Variants in XKR4 observed in about 807,000 individuals in gnomAD.
XKR4 encodes the protein XK-related protein 4.
In XKR4, 12 loss-of-function variants were observed where a neutral mutation model predicts 53.9. The ratio of observed to expected loss-of-function variants is 0.22; its 90% CI spans 0.14 to 0.36. The LOEUF (loss-of-function observed/expected upper bound fraction) is 0.36. Ranked by LOEUF, XKR4 falls within the 10% of genes least tolerant of loss-of-function variation. The pLI, the probability that XKR4 is intolerant of heterozygous loss-of-function variation, is 1.00. For missense variants in XKR4, 799 were observed against 859.5 expected, an observed-to-expected ratio of 0.93 and a Z score of 0.88; for synonymous variants, 354 against 362.4, an observed-to-expected ratio of 0.98 and a Z score of 0.26.
chr8:55,393,886 G>A lies in XKR4; in HGVS notation c.1006+36009G>A, dbSNP rs76743807. Among the ~76,000 whole-genome samples the A allele has an allele frequency of 1.1e-3, 173 of 152,198 alleles. 1 individual carries two copies. In the East Asian group the frequency reaches 0.014, roughly 13 times the overall value. ...GAATTTTCTCTTCTTTCAAAAAGTC[G>A]AGATTGTGCCCATGAGCCTGTCTGA... On this transcript the variant is annotated intron_variant, in intron 2 of 2. Coordinates refer to ENST00000327381, the MANE Select transcript of XKR4 (RefSeq NM_052898.2).
intron 1 of XKR4, among the ~76,000 whole-genome samples, chr8:55,178,160 C>T (rs1585921922): frequency 2.6e-5 from 4 of 152,180 alleles, no homozygotes. Flanking sequence ...GCATTAGAAG[C>T]CTTCTAGGAA....
chr8:55,283,880 C>T (rs905954493), intron 1 of XKR4, among the ~76,000 whole-genome samples: 4 of 152,222 alleles, frequency 2.6e-5, no homozygotes, highest in South Asian at 2.1e-4. Context: ...CAAGAAAGAG[C>T]AAGTGGACAA....
chr8:55,257,746 A>G (rs7002941), intron 1 of XKR4, among the ~76,000 whole-genome samples: 119,478 of 152,172 alleles, frequency 0.79, 49,177 homozygotes, highest in Non-Finnish European at 0.92. Context: ...GTGGCTTTTC[A>G]CTCTCAAATA....
intron 1 of XKR4, among the ~76,000 whole-genome samples, chr8:55,204,211 G>A (rs2129362645): frequency 6.6e-6 from 1 of 152,058 alleles, no homozygotes; most frequent in East Asian, 1.9e-4. Flanking sequence ...TCGCAACGTT[G>A]CCCAGGCTGG....
chr8:55,161,567 G>C (rs769822548), intron 1 of XKR4: 3 of 456,144 alleles, frequency 6.6e-6, no homozygotes, highest in Non-Finnish European at 1.3e-5. Context: ...CTGTCTGTCC[G>C]GTCCTAGACA....
chr8:55,247,090 T>TC (rs1271668962), intron 1 of XKR4, among the ~76,000 whole-genome samples: 1 of 152,208 alleles, frequency 6.6e-6, no homozygotes, highest in African/African-American at 2.4e-5. Flanking sequence ...TGTTTCTTTT[T>TC]CTTCTTCTTC....
chr8:55,502,083 A>C (rs577817374), intron 2 of XKR4, among the ~76,000 whole-genome samples: 1 of 152,336 alleles, frequency 6.6e-6, no homozygotes, highest in African/African-American at 2.4e-5. Context: ...AAGTCTGTAC[A>C]TTTTGAGTAC....
At chr8:55,304,656 A>G (rs1200633361) in intron 1 of XKR4, among the ~76,000 whole-genome samples, 1 of 152,084 alleles carries the variant, frequency 6.6e-6, no homozygotes, top group African/African-American at 2.4e-5. Flanking sequence ...GTCACTAAGG[A>G]CTTGCTTTAT....
At chr8:55,491,634 G>C (rs1806273748) in intron 2 of XKR4, among the ~76,000 whole-genome samples, 4 of 151,314 alleles carry the variant, frequency 2.6e-5, no homozygotes, top group Admixed American at 2.0e-4. Flanking sequence ...GGGTTTGTTT[G>C]TTTGTTTGTT....
intron 1 of XKR4, among the ~76,000 whole-genome samples, chr8:55,219,114 T>A (rs1817846403): frequency 1.3e-5 from 2 of 152,160 alleles, no homozygotes; most frequent in Admixed American, 6.5e-5. Flanking sequence ...TGGGTTTCTG[T>A]GAGCCATTCT....
At chr8:55,518,641 T>C (rs988221265) in intron 2 of XKR4, among the ~76,000 whole-genome samples, 4 of 152,188 alleles carry the variant, frequency 2.6e-5, no homozygotes, top group East Asian at 1.9e-4. Flanking sequence ...TATTTCATCG[T>C]AGGCCCGTGG....
At chr8:55,139,066 A>AT (rs1397769960) in intron 1 of XKR4, among the ~76,000 whole-genome samples, 1 of 152,072 alleles carries the variant, frequency 6.6e-6, no homozygotes, top group Non-Finnish European at 1.5e-5. Context: ...ACCTGTGTAT[A>AT]TTTTTTTCAT....
At chr8:55,354,010 A>G (rs1803763505) in intron 1 of XKR4, among the ~76,000 whole-genome samples, 1 of 152,220 alleles carries the variant, frequency 6.6e-6, no homozygotes, top group African/African-American at 2.4e-5. Context: ...TAGTCTACCA[A>G]AATTATCGAA....
intron 1 of XKR4, among the ~76,000 whole-genome samples, chr8:55,135,839 T>A (rs557235605): frequency 6.6e-6 from 1 of 152,054 alleles, no homozygotes; most frequent in African/African-American, 2.4e-5. Flanking sequence ...GAAGAAAACA[T>A]TGGATATAAA....
chr8:55,451,182 TG>T, intron 2 of XKR4: 1 of 552,146 alleles, frequency 1.8e-6, no homozygotes, highest in Non-Finnish European at 3.2e-6. Flanking sequence ...CCCGTTGGCC[TG>T]GGGTGGGGCC....
At chr8:55,221,537 C>T (rs1354783489) in intron 1 of XKR4, among the ~76,000 whole-genome samples, 1 of 152,146 alleles carries the variant, frequency 6.6e-6, no homozygotes, top group African/African-American at 2.4e-5. Flanking sequence ...GTGATCATCA[C>T]CTTAGGGCTC....
intron 1 of XKR4, among the ~76,000 whole-genome samples, chr8:55,131,309 A>G (rs1459170907): frequency 6.6e-6 from 1 of 152,220 alleles, no homozygotes; most frequent in African/African-American, 2.4e-5. Flanking sequence ...GAGATCCTCA[A>G]AGAAAACAGG....
intron 2 of XKR4, among the ~76,000 whole-genome samples, chr8:55,421,515 G>T (rs117305866): frequency 0.016 from 2,477 of 152,128 alleles, 45 homozygotes; most frequent in Middle Eastern, 0.034. Flanking sequence ...TCCAGGCATC[G>T]CACCTTGGCA....
intron 2 of XKR4, among the ~76,000 whole-genome samples, chr8:55,458,781 C>G (rs1805607513): frequency 6.6e-6 from 1 of 152,210 alleles, no homozygotes; most frequent in South Asian, 2.1e-4. Flanking sequence ...CTTCTCTTCT[C>G]TCCTTTTCTG....
Sources: allele counts gnomAD v4.1 joint callset (sites outside exome capture counted in the v4.1 genomes callset), GRCh38; gene constraint gnomAD v4.1.1; transcripts MANE v1.5; gene names NCBI Gene and HGNC (gene_info 2026-07-23, HGNC 2026-07-21).